The following WASF2 variants were observed in gnomAD, a reference collection of about 807,000 sequenced individuals.
WASF2 encodes WASP family member 2, also known as actin-binding protein WASF2.
Under a neutral mutation model 45.0 loss-of-function variants are expected in WASF2, and 14 were observed. The ratio of observed to expected loss-of-function variants is 0.31; its 90% confidence interval spans 0.21 to 0.49. The LOEUF is 0.49. Ranked by LOEUF, WASF2 falls within the 20% of genes least tolerant of loss-of-function variation. The pLI is 0.99. For missense variants in WASF2, 439 were observed against 636.1 expected (o/e 0.69, Z 3.33); for synonymous variants, 200 against 236.3 (o/e 0.85, Z 1.41).
intron 1 of WASF2, among the ~76,000 whole-genome samples, chr1:27,457,923 T>C (rs2017494479): frequency 6.6e-6 from 1 of 152,138 alleles, no homozygotes; most frequent in African/African-American, 2.4e-5. Context: ...ACACCCAGCC[T>C]AATATTTCAA....
At chr1:27,442,373 G>A (rs936139978) in intron 1 of WASF2, among the ~76,000 whole-genome samples, 1 of 151,010 alleles carries the variant, frequency 6.6e-6, no homozygotes, top group Non-Finnish European at 1.5e-5. Context: ...GTAAAACCCC[G>A]TCTCTACTAA....
At chr1:27,441,614 C>T (rs536620078) in intron 1 of WASF2, among the ~76,000 whole-genome samples, 7 of 152,128 alleles carry the variant, frequency 4.6e-5, no homozygotes, top group Admixed American at 2.0e-4. Context: ...ATTAGCCGGG[C>T]GTGGTGGCGG....
chr1:27,463,216 A>C (rs2017570407), intron 1 of WASF2, among the ~76,000 whole-genome samples: 1 of 152,218 alleles, frequency 6.6e-6, no homozygotes, highest in Non-Finnish European at 1.5e-5. Flanking sequence ...AAGGTATTTT[A>C]ATGAAAATCT....
In WASF2 at chr1:27,450,712, T is replaced by A. The variant is rs538492767; in HGVS notation, c.-43-21779A>T. 2.5e-3 allele frequency among the ~76,000 whole-genome samples: 382 copies of A among 152,154 alleles called. 1 individual carries two copies. Among genetic ancestry groups the A allele is most frequent in the African/African-American group, 8.5e-3 (353 of 41,538 alleles). ...CGGGGTTTCTCCATGTTGCCTAGGC[T>A]GGTCTCGAACTCCTGACCTCAGGTG... On this transcript the variant is annotated intron_variant, in intron 1 of 8. Coordinates refer to ENST00000618852, the MANE Select transcript of WASF2 (RefSeq NM_006990.5).
At chr1:27,469,486 T>A (rs2017661221) in intron 1 of WASF2, among the ~76,000 whole-genome samples, 2 of 152,186 alleles carry the variant, frequency 1.3e-5, no homozygotes, top group Non-Finnish European at 2.9e-5. Flanking sequence ...CAGGACACAC[T>A]ACAACATTAT....
intron 1 of WASF2, among the ~76,000 whole-genome samples, chr1:27,440,852 G>A (rs2017215096): frequency 1.3e-5 from 2 of 151,970 alleles, no homozygotes; most frequent in African/African-American, 2.4e-5. Flanking sequence ...TATGACAGTG[G>A]TCCCATAAGA....
chr1:27,478,259 C>A (rs2017797034), intron 1 of WASF2, among the ~76,000 whole-genome samples: 1 of 109,496 alleles, frequency 9.1e-6, no homozygotes, highest in African/African-American at 3.4e-5. Flanking sequence ...AAATAAATTT[C>A]ATGCAAATAG....
In WASF2 at chr1:27,452,734, C is replaced by T. The variant is rs112798660; in HGVS notation, c.-43-23801G>A. 5.5e-3 allele frequency among the ~76,000 whole-genome samples: 832 copies of T among 151,378 alleles called. 4 individuals are homozygous for T. Among genetic ancestry groups the T allele is most frequent in the African/African-American group, 0.018 (743 of 41,194 alleles). On this transcript the variant is annotated intron_variant, in intron 1 of 8. Transcript: ENST00000618852. ...TCAGCAGGCTGAGGCAGGAGAATTGCTTGAACCTAGGAGGCAGGTTGCAGT... is the reference window on the plus strand; with the variant it reads ...TCAGCAGGCTGAGGCAGGAGAATTGTTTGAACCTAGGAGGCAGGTTGCAGT...
At chr1:27,442,163 A>C (rs1181510116) in intron 1 of WASF2, among the ~76,000 whole-genome samples, 3 of 152,108 alleles carry the variant, frequency 2.0e-5, no homozygotes, top group Non-Finnish European at 4.4e-5. Flanking sequence ...CCTGGGCAAC[A>C]TAGAAAGACC....
chr1:27,451,619 G>C (rs1411646121), intron 1 of WASF2, among the ~76,000 whole-genome samples: 2 of 152,118 alleles, frequency 1.3e-5, no homozygotes, highest in Non-Finnish European at 2.9e-5. Context: ...GCAGTATGGA[G>C]AATGTACTAC....
At chr1:27,476,157 T>C (rs189064805) in intron 1 of WASF2, among the ~76,000 whole-genome samples, 1 of 152,344 alleles carries the variant, frequency 6.6e-6, no homozygotes, top group African/African-American at 2.4e-5. Flanking sequence ...ACCTACTGTT[T>C]ACGAGGCCTT....
intron 1 of WASF2, among the ~76,000 whole-genome samples, chr1:27,458,377 G>C (rs140897312): frequency 6.8e-6 from 1 of 147,972 alleles, no homozygotes; most frequent in African/African-American, 2.5e-5. Flanking sequence ...CATAAAATTG[G>C]TAATTCAAGG....
At chr1:27,443,119 G>A (rs919906959) in intron 1 of WASF2, among the ~76,000 whole-genome samples, 54 of 151,226 alleles carry the variant, frequency 3.6e-4, no homozygotes, top group Non-Finnish European at 2.8e-4. Flanking sequence ...GGCTGTGATT[G>A]TGCCACTGCA....
At chr1:27,433,810 G>A (rs755871627) in intron 1 of WASF2, among the ~76,000 whole-genome samples, 30 of 152,300 alleles carry the variant, frequency 2.0e-4, no homozygotes, top group Middle Eastern at 3.4e-3. Context: ...TATCAAAAGC[G>A]TCAGAAAAGA....
At chr1:27,474,115 T>C (rs2017732275) in intron 1 of WASF2, among the ~76,000 whole-genome samples, 1 of 152,134 alleles carries the variant, frequency 6.6e-6, no homozygotes, top group Non-Finnish European at 1.5e-5. Context: ...CTCATCAACA[T>C]TATAACGCAA....
Position 27,405,599 on chromosome 1 carries a change from C to CTTTTTTTTTTTTTT in WASF2, c.*2576_*2589dup, listed in dbSNP as rs769753375. ...TAAAGGGCTCTGGGTCTAAAGAAGC[C>CTTTTTTTTTTTTTT]TTTTTTTTTTTTTTTTTTTTTTTTT... On this transcript the variant is annotated 3_prime_UTR_variant, in exon 9 of 9. Coordinates refer to ENST00000618852, the MANE Select transcript of WASF2 (RefSeq NM_006990.5). 1.6e-4 allele frequency: 9 copies of CTTTTTTTTTTTTTT among 56,646 alleles called. 1 individual carries two copies. The highest frequency in any genetic ancestry group is 8.6e-4 in the South Asian group (1 of 1,162). The allele number at this position is 56,646 out of a possible 1,614,324, so 3.5% of individuals were successfully genotyped here.
intron 1 of WASF2, among the ~76,000 whole-genome samples, chr1:27,458,743 A>T (rs1462357597): frequency 6.6e-6 from 1 of 152,100 alleles, no homozygotes; most frequent in African/African-American, 2.4e-5. Flanking sequence ...CAGTGAGCCG[A>T]GATCACGCCT....
At chr1:27,435,519 T>C (rs1244481625) in intron 1 of WASF2, among the ~76,000 whole-genome samples, 1 of 151,786 alleles carries the variant, frequency 6.6e-6, no homozygotes, top group African/African-American at 2.4e-5. Context: ...ATCCAGAAGG[T>C]TGAGGCTGCA....
intron 2 of WASF2, among the ~76,000 whole-genome samples, chr1:27,420,547 G>A (rs1357973258): frequency 9.3e-6 from 1 of 107,638 alleles, no homozygotes. Context: ...TTGAGACAGA[G>A]TCTTGCTCTA....
Sources: gnomAD v4.1 joint callset for allele counts (sites outside exome capture counted in the v4.1 genomes callset) on GRCh38, gnomAD v4.1.1 for gene constraint, MANE v1.5 for transcripts, NCBI Gene and HGNC (gene_info 2026-07-23, HGNC 2026-07-21) for gene names.